ENTREP2: variants seen among roughly 807,000 people sequenced by gnomAD.
ENTREP2 encodes protein ENTREP2.
At chr15:29,145,905 T>C in the ENTREP2 span, among the ~76,000 whole-genome samples, 3 of 152,058 alleles carry the variant, frequency 2.0e-5, no homozygotes, top group East Asian at 3.9e-4. Context: ...ATTTTGCATA[T>C]AGAAAGAATC....
chr15:29,328,937 C>T, the ENTREP2 span, among the ~76,000 whole-genome samples: 1 of 152,164 alleles, frequency 6.6e-6, no homozygotes, highest in African/African-American at 2.4e-5. Flanking sequence ...TATTCTAATA[C>T]CCCTGTAGGT....
chr15:29,641,932 A>G, the ENTREP2 span, among the ~76,000 whole-genome samples: 1 of 152,186 alleles, frequency 6.6e-6, no homozygotes, highest in African/African-American at 2.4e-5. Flanking sequence ...AAAGAAGTGC[A>G]TAACTTATGC....
At chr15:29,548,453 T>TAAAAAAAAAA in the ENTREP2 span, among the ~76,000 whole-genome samples, 3 of 134,196 alleles carry the variant, frequency 2.2e-5, 1 homozygote, top group South Asian at 2.3e-4. Context: ...AGATTCTGCC[T>TAAAAAAAAAA]AAAAAAAAAA....
the ENTREP2 span, among the ~76,000 whole-genome samples, chr15:29,154,086 A>C: frequency 6.6e-6 from 1 of 152,128 alleles, no homozygotes; most frequent in Non-Finnish European, 1.5e-5. Flanking sequence ...AATGTGATTG[A>C]TTTTTGTATG....
At chr15:29,440,429 C>G in the ENTREP2 span, among the ~76,000 whole-genome samples, 1 of 152,122 alleles carries the variant, frequency 6.6e-6, no homozygotes, top group East Asian at 1.9e-4. Context: ...ATGCATTGAT[C>G]ATAAAATTTT....
At chr15:29,594,103 T>A in the ENTREP2 span, among the ~76,000 whole-genome samples, 4 of 151,600 alleles carry the variant, frequency 2.6e-5, no homozygotes, top group African/African-American at 9.7e-5. Context: ...CAAAAAGGTT[T>A]AAAAAAAAAG....
the ENTREP2 span, among the ~76,000 whole-genome samples, chr15:29,625,370 T>C: frequency 5.3e-5 from 8 of 152,234 alleles, no homozygotes; most frequent in Non-Finnish European, 1.2e-4. Flanking sequence ...ATTTCACTAC[T>C]GGGTTGTATT....
At chr15:29,557,307 C>T in the ENTREP2 span, among the ~76,000 whole-genome samples, 1 of 152,200 alleles carries the variant, frequency 6.6e-6, no homozygotes, top group Admixed American at 6.5e-5. Flanking sequence ...CTTTGACTCT[C>T]CCTCAGGGAG....
the ENTREP2 span, among the ~76,000 whole-genome samples, chr15:29,293,345 G>C: frequency 6.6e-6 from 1 of 152,046 alleles, no homozygotes; most frequent in African/African-American, 2.4e-5. Context: ...CCACCTCCTG[G>C]GTTCACGCCA....
chr15:29,270,142 A>G, the ENTREP2 span, among the ~76,000 whole-genome samples: 1 of 152,130 alleles, frequency 6.6e-6, no homozygotes, highest in African/African-American at 2.4e-5. Context: ...AAAAAGGTGA[A>G]GAGGAAGGGC....
At chr15:29,594,791 C>T in the ENTREP2 span, among the ~76,000 whole-genome samples, 2 of 151,912 alleles carry the variant, frequency 1.3e-5, no homozygotes, top group Non-Finnish European at 2.9e-5. Flanking sequence ...GGTGAAGCCC[C>T]CTCTCTACTA....
At chr15:29,314,680 A>C in the ENTREP2 span, among the ~76,000 whole-genome samples, 1 of 152,332 alleles carries the variant, frequency 6.6e-6, no homozygotes, top group Middle Eastern at 3.4e-3. Flanking sequence ...GTCTGGAACT[A>C]AACCTGCAAT....
the ENTREP2 span, among the ~76,000 whole-genome samples, chr15:29,478,714 G>C: frequency 1.3e-5 from 2 of 151,016 alleles, no homozygotes; most frequent in Non-Finnish European, 2.9e-5. Context: ...AGACCAGCCT[G>C]GCAAACATGG....
At chr15:29,137,620 T>TGA in the ENTREP2 span, among the ~76,000 whole-genome samples, 10 of 152,188 alleles carry the variant, frequency 6.6e-5, no homozygotes, top group East Asian at 1.7e-3. Flanking sequence ...GGATCACCTG[T>TGA]GATCAGGATT....
the ENTREP2 span, among the ~76,000 whole-genome samples, chr15:29,231,890 C>CTTTTTTTTTTTTT: frequency 2.9e-5 from 4 of 136,838 alleles, no homozygotes; most frequent in Non-Finnish European, 3.1e-5. Context: ...CTTTTCTTTT[C>CTTTTTTTTTTTTT]TTTCTTTTTT....
the ENTREP2 span, among the ~76,000 whole-genome samples, chr15:29,227,941 A>T: frequency 4.6e-5 from 7 of 152,120 alleles, no homozygotes; most frequent in African/African-American, 1.2e-4. Context: ...ATTGAGACTA[A>T]ACATCTCTCA....
the ENTREP2 span, among the ~76,000 whole-genome samples, chr15:29,398,656 G>T: frequency 6.6e-6 from 1 of 152,282 alleles, no homozygotes. Flanking sequence ...CCCGGGAAAC[G>T]GAGGTTGCAA....
At chr15:29,118,149 CT>C in the ENTREP2 span, 1 of 152,744 alleles carries the variant, frequency 6.5e-6, no homozygotes. Flanking sequence ...CTCGAAGTCT[CT>C]TTTTTTGGCC....
At chr15:29,228,860 C>G in the ENTREP2 span, among the ~76,000 whole-genome samples, 1 of 151,916 alleles carries the variant, frequency 6.6e-6, no homozygotes, top group African/African-American at 2.4e-5. Context: ...GATTCAAAGC[C>G]CAAATAGATC....
Sources: allele counts gnomAD v4.1 joint callset (sites outside exome capture counted in the v4.1 genomes callset), GRCh38; gene constraint gnomAD v4.1.1; transcripts MANE v1.5; gene names NCBI Gene and HGNC (gene_info 2026-07-23, HGNC 2026-07-21).